The following DICER1 variants were observed in gnomAD, a reference collection of about 807,000 sequenced individuals.
The protein encoded by DICER1 is dicer 1, ribonuclease III.
Under a neutral mutation model 194.1 loss-of-function variants are expected in DICER1, and 43 were observed. The ratio of observed to expected loss-of-function variants is 0.22; its 90% CI spans 0.17 to 0.29. The LOEUF (loss-of-function observed/expected upper bound fraction) is 0.29, where lower values mean the gene tolerates loss of function less well. Ranked by LOEUF, DICER1 falls within the 10% of genes least tolerant of loss-of-function variation. DICER1 has a pLI of 1.00. For synonymous variants in DICER1, 832 were observed against 820.5 expected (o/e 1.01, Z -0.24); for missense variants, 1,608 against 2,317.0 (o/e 0.69, Z 6.28).
Position 95,126,599 on chromosome 14 carries a change from G to A in DICER1, c.884C>T (p.Ser295Phe), listed in dbSNP as rs548231008. Reference sequence around the variant, plus strand: ...GCTTACCTGTTTCGAAATTAAAGTAGAATCTCTTTCTTTTGAATGTACAGA... The same window carrying A: ...GCTTACCTGTTTCGAAATTAAAGTAAAATCTCTTTCTTTTGAATGTACAGA... ...NISVHSKERD[S>F]TLISKQILSD... The change falls in exon 7 of 27, where the codon TCT (serine) becomes TTT (phenylalanine). Residue 295 changes from serine (S) to phenylalanine (F), a missense_variant. By Grantham distance (155) the Ser-to-Phe change is radical (BLOSUM62 -2). Around this residue, in one of 10 missense-constraint regions of DICER1, gnomAD observed 657 missense variants for 910.1 expected, o/e 0.72. Coordinates refer to ENST00000343455, the MANE Select transcript of DICER1 (RefSeq NM_177438.3). 6.5e-7 allele frequency: 1 copy of A among 1,534,534 alleles called. No individual in the cohort carries two copies. The highest frequency in any genetic ancestry group is 2.3e-5 in the East Asian group (1 of 44,386).
intron 8 of DICER1, among the ~76,000 whole-genome samples, chr14:95,122,274 T>C (rs951903893): frequency 1.3e-5 from 2 of 152,198 alleles, no homozygotes; most frequent in African/African-American, 4.8e-5. Flanking sequence ...TACCTAAAAA[T>C]ACATGCAGAA....
chr14:95,114,642 T>G (rs1041562270), intron 11 of DICER1, among the ~76,000 whole-genome samples: 3 of 152,056 alleles, frequency 2.0e-5, no homozygotes, highest in Non-Finnish European at 4.4e-5. Flanking sequence ...TATCTCCCCA[T>G]GAAATATCTA....
chr14:95,130,233 C>T (rs369748531), intron 4 of DICER1, 41 bp from the exon 5 acceptor site: 3 of 1,590,856 alleles, frequency 1.9e-6, no homozygotes, highest in South Asian at 1.1e-5. Context: ...ATAGCATTCA[C>T]TGCCTGGATA....
At chr14:95,128,206 TA>T (rs1893645822) in intron 6 of DICER1, among the ~76,000 whole-genome samples, 1 of 152,224 alleles carries the variant, frequency 6.6e-6, no homozygotes, top group African/African-American at 2.4e-5. Context: ...ACATATATAC[TA>T]TAGTTCTTTT....
rs1310503303 is a variant in DICER1 at position 95,086,263 on chromosome 14, C to T, written c.*4235G>A. ...ATAACTTTATTGGAGATTTACTTGG[C>T]TACAATTATTACAAAAAAAACAACT... On this transcript the variant is annotated 3_prime_UTR_variant, in exon 27 of 27. Coordinates refer to ENST00000343455, the MANE Select transcript of DICER1 (RefSeq NM_177438.3). The T allele has an allele frequency of 4.3e-6, 1 of 232,356 alleles. No homozygotes were observed. The highest frequency in any genetic ancestry group is 8.5e-6 in the Non-Finnish European group (1 of 117,682). The allele number at this position is 232,356 out of a possible 1,614,324, so 14.4% of individuals were successfully genotyped here. A position where few individuals can be genotyped will look rare whatever the true frequency, so the allele number is the denominator to read the frequency against.
rs2140204601 is a variant in DICER1, at chr14:95,124,431, G to A, written c.1141C>T (p.Leu381Phe). The change falls in exon 8 of 27, where the codon CTC becomes TTC. Residue 381 changes from leucine (L) to phenylalanine (F), a missense_variant. Physicochemically the swap from Leu to Phe is conservative, Grantham distance 22. This residue lies in a region of DICER1 where 657 missense variants were observed against 910.1 expected (regional missense o/e 0.72). Transcript: ENST00000343455. This position sits in a 1 kb window ranked among gnomAD's most constrained non-coding sequence, Gnocchi z 4.5. ...GGTTTATATTTGCGTAAGATTTCGA[G>A]CAGTTTGATTACTTTAGGAGTTACA... ...KFVTPKVIKLLEILRKYKPYE... is the reference protein window; with the variant it reads ...KFVTPKVIKLFEILRKYKPYE... The A allele has an allele frequency of 6.2e-7, 1 of 1,614,088 alleles. No homozygotes were observed. The highest frequency in any genetic ancestry group is 8.5e-7 in the Non-Finnish European group (1 of 1,179,980).
chr14:95,145,405 A>T (rs2140400819), intron 1 of DICER1, among the ~76,000 whole-genome samples: 1 of 152,374 alleles, frequency 6.6e-6, no homozygotes, highest in East Asian at 1.9e-4. Context: ...AAAAACAAAC[A>T]AAAAATACTG....
rs1889363014 is a variant in DICER1 at position 95,086,699 on chromosome 14, T to C, written c.*3799A>G. The stretch of plus-strand genomic sequence containing the variant: ...TACAATGGTCTCAATGCAAATTTCC[T>C]AGATATTGCTATTGGCGTCTCCAAC... On this transcript the variant is annotated 3_prime_UTR_variant, in exon 27 of 27. Transcript: ENST00000343455. 4.3e-6 allele frequency: 1 copy of C among 233,110 alleles called. No homozygotes were observed. Among genetic ancestry groups the C allele is most frequent in the South Asian group, 1.8e-4 (1 of 5,526 alleles). 14.4% of individuals were successfully genotyped at this position (233,110 alleles called of 1,614,324 possible).
In DICER1 at chr14:95,124,303, T is replaced by C; in HGVS notation, c.1269A>G (p.Glu423=). The change falls in exon 8 of 27, where the codon GAA becomes GAG. Residue 423 remains glutamate (E), a synonymous_variant. Coordinates refer to ENST00000343455, the MANE Select transcript of DICER1 (RefSeq NM_177438.3). This position sits in a 1 kb window ranked among gnomAD's most constrained non-coding sequence, Gnocchi z 4.5. ...TCTCTGGCTTCTCTTTTTCTTCAATTTCTTCATCCTCATCATCATCCTCAG... is the reference window on the plus strand; with the variant it reads ...TCTCTGGCTTCTCTTTTTCTTCAATCTCTTCATCCTCATCATCATCCTCAG... ...SDSEDDDEDE[E]IEEKEKPETN... is the part of the protein sequence containing the mutation. The C allele has an allele frequency of 6.2e-7, 1 of 1,614,000 alleles. No homozygotes were observed. The highest frequency in any genetic ancestry group is 8.5e-7 in the Non-Finnish European group (1 of 1,179,964).
upstream of DICER1, chr14:95,157,799 C>G (rs940912935): frequency 2.6e-5 from 4 of 152,442 alleles, no homozygotes. Context: ...GTTTGGCAGA[C>G]TCTCTGAGCT....
At chr14:95,110,315 C>A (rs985192921) in intron 14 of DICER1, among the ~76,000 whole-genome samples, 2 of 152,194 alleles carry the variant, frequency 1.3e-5, no homozygotes, top group African/African-American at 4.8e-5. Flanking sequence ...AGCTCAGGGC[C>A]CCATGCAGGA....
Position 95,113,073 on chromosome 14 carries a change from TTTC to T in DICER1, c.2040+16_2040+18del. 6.2e-7 allele frequency: 1 copy of T among 1,612,154 alleles called. No individual in the cohort carries two copies. On this transcript the variant is annotated intron_variant, in intron 12 of 26. Transcript: ENST00000343455. ...GACACATTTTAAAAGATAACAATCA[TTTC>T]TTCTTCTAAACTTACAACAATGGAG... is the stretch of plus-strand genomic sequence containing the variant.
chr14:95,124,091 C>G lies in DICER1; in HGVS notation c.1376+105G>C. ...CAATGATGGCGCCAAGTCAAGGACA[C>G]TTACATAACCCTCATGCTAGCTCTT... On this transcript the variant is annotated intron_variant, in intron 8 of 26. Transcript: ENST00000343455. The surrounding 1 kb of genome is among the most constrained non-coding windows in gnomAD (Gnocchi z 4.5). The G allele has an allele frequency of 1.2e-6, 1 of 829,556 alleles. No individual in the cohort carries two copies. The highest frequency in any genetic ancestry group is 2.0e-6 in the Non-Finnish European group (1 of 500,394). 51.4% of individuals were successfully genotyped at this position (829,556 alleles called of 1,614,324 possible). A position where few individuals can be genotyped will look rare whatever the true frequency, so the allele number is the denominator to read the frequency against.
At chr14:95,092,400 C>A (rs189946559) in intron 24 of DICER1, among the ~76,000 whole-genome samples, 5 of 151,978 alleles carry the variant, frequency 3.3e-5, no homozygotes, top group African/African-American at 4.8e-5. Flanking sequence ...AAAATCAACA[C>A]AAATCATTTG....
At chr14:95,156,876 G>A (rs934342041) in intron 1 of DICER1, among the ~76,000 whole-genome samples, 1 of 152,076 alleles carries the variant, frequency 6.6e-6, no homozygotes, top group Non-Finnish European at 1.5e-5. Context: ...ACCTTAGCGC[G>A]CGTGACGGGA....
chr14:95,135,494 CAAT>C, intron 1 of DICER1, among the ~76,000 whole-genome samples: 1 of 152,164 alleles, frequency 6.6e-6, no homozygotes, highest in East Asian at 1.9e-4. Flanking sequence ...TTAGTAATAA[CAAT>C]AAATAACTTT....
intron 1 of DICER1, among the ~76,000 whole-genome samples, chr14:95,142,800 A>G (rs753907772): frequency 5.3e-5 from 8 of 152,234 alleles, no homozygotes; most frequent in Non-Finnish European, 8.8e-5. Flanking sequence ...AAGTTTTAGT[A>G]CAAACTAGCA....
rs376486812 is a variant in DICER1 at position 95,091,147 on chromosome 14, C to T, written c.5528-38G>A. The T allele has an allele frequency of 2.5e-6, 4 of 1,613,696 alleles. No individual in the cohort carries two copies. In the African/African-American group the frequency reaches 5.3e-5, roughly 22 times the overall value. On this transcript the variant is annotated intron_variant, in intron 25 of 26. Coordinates refer to ENST00000343455, the MANE Select transcript of DICER1 (RefSeq NM_177438.3). Reference sequence around the variant, plus strand: ...TGAAAGAATAATATGAATAATATCTCTGAAGTTGTTTTTAATTTTGTGGGT... The same window carrying T: ...TGAAAGAATAATATGAATAATATCTTTGAAGTTGTTTTTAATTTTGTGGGT...
chr14:95,150,106 T>G (rs998951056), intron 1 of DICER1, among the ~76,000 whole-genome samples: 1 of 152,240 alleles, frequency 6.6e-6, no homozygotes, highest in Non-Finnish European at 1.5e-5. Flanking sequence ...GAAACAATTT[T>G]AAAGTTCTTA....
Sources: allele counts gnomAD v4.1 joint callset (sites outside exome capture counted in the v4.1 genomes callset), GRCh38; gene constraint gnomAD v4.1.1; regional missense constraint gnomAD v4.1.1; non-coding constraint Gnocchi (gnomAD v3.1); transcripts MANE v1.5; gene names NCBI Gene and HGNC (gene_info 2026-07-23, HGNC 2026-07-21).